The following ARHGEF18 variants were observed in gnomAD, a reference collection of about 807,000 sequenced individuals.
ARHGEF18 encodes the protein rho guanine nucleotide exchange factor 18.
Under a neutral mutation model 155.7 loss-of-function variants are expected in ARHGEF18, and 93 were observed. The observed-to-expected ratio is 0.60, with a 90% confidence interval of 0.50 to 0.71. The LOEUF is 0.71. ARHGEF18 is among the 30% of genes least tolerant of loss of function. The probability of loss-of-function intolerance (pLI) is 0.00; values close to 1 mark genes in which losing one functional copy is unlikely to be tolerated. For synonymous variants in ARHGEF18, 742 were observed against 753.1 expected, an observed-to-expected ratio of 0.99 and a Z score of 0.24; for missense variants, 1,593 against 1,816.1, an observed-to-expected ratio of 0.88 and a Z score of 2.23.
chr19:7,404,067 CA>C (rs879300029), intron 10 of ARHGEF18, among the ~76,000 whole-genome samples: 190 of 126,414 alleles, frequency 1.5e-3, no homozygotes, highest in Middle Eastern at 3.9e-3. Context: ...GACTCCGTCT[CA>C]AAAAAAAAAA....
intron 10 of ARHGEF18, among the ~76,000 whole-genome samples, chr19:7,386,639 G>A (rs951332493): frequency 1.1e-4 from 17 of 152,034 alleles, no homozygotes; most frequent in African/African-American, 3.6e-4. Context: ...AATGTGCCCC[G>A]GGCAGCAGAA....
rs1974658886 is a variant in ARHGEF18 at position 7,441,747 on chromosome 19, G to A, written c.1201G>A (p.Glu401Lys). The A allele has an allele frequency of 3.1e-6, 5 of 1,614,024 alleles. No homozygotes were observed. The highest frequency in any genetic ancestry group is 1.3e-5 in the African/African-American group (1 of 74,912). ...DSLSLTSPNTESIFVEDPYTA... is the reference protein window; with the variant it reads ...DSLSLTSPNTKSIFVEDPYTA... ...TCTGTCCCTTACATCTCCAAACACC[G>A]AGTCCATTTTTGTAGAAGGTATGGT... The change falls in exon 12 of 29, where the codon GAG (glutamate) becomes AAG (lysine). Residue 401 changes from glutamate (E) to lysine (K), a missense_variant. Transcript: ENST00000668164.
intron 10 of ARHGEF18, among the ~76,000 whole-genome samples, chr19:7,399,722 C>T (rs183294210): frequency 1.5e-4 from 23 of 151,674 alleles, no homozygotes; most frequent in African/African-American, 2.7e-4. Context: ...CCTCGTGATC[C>T]GCCCACTTCG....
At chr19:7,477,157 G>T, downstream of ARHGEF18, 1 of 1,394,280 alleles carries the variant, frequency 7.2e-7, no homozygotes, top group South Asian at 1.6e-5. Flanking sequence ...TGCGGGAAGG[G>T]CCCTCCGTGG....
In ARHGEF18 at chr19:7,453,543, G is replaced by A. The variant is rs1453302002; in HGVS notation, c.1932G>A (p.Lys644=). The A allele has an allele frequency of 3.1e-6, 5 of 1,614,002 alleles. No homozygotes were observed. Among genetic ancestry groups the A allele is most frequent in the Middle Eastern group, 3.3e-4 (2 of 6,084 alleles). Residue 644 remains lysine, a synonymous_variant, in exon 17 of 29, where the codon AAG becomes AAA. Coordinates refer to ENST00000668164, the MANE Select transcript of ARHGEF18 (RefSeq NM_001367823.1). ...ATATCATCTCACAAGTGGACGCCAAGGTCAGTGAGTGTGAGAAGGGCCAGC... is the reference window on the plus strand; with the variant it reads ...ATATCATCTCACAAGTGGACGCCAAAGTCAGTGAGTGTGAGAAGGGCCAGC... ...IKDIISQVDA[K]VSECEKGQRL... is the part of the protein sequence containing the mutation.
At chr19:7,464,486 TG>T (rs1976491778) in intron 22 of ARHGEF18, 73 bp from the exon 23 acceptor site, 2 of 1,535,828 alleles carry the variant, frequency 1.3e-6, no homozygotes, top group African/African-American at 1.4e-5. Flanking sequence ...GGGCAGGGGC[TG>T]GGGGTGGACT....
chr19:7,429,880 T>C (rs1482023646), intron 10 of ARHGEF18, among the ~76,000 whole-genome samples: 1 of 152,256 alleles, frequency 6.6e-6, no homozygotes, highest in East Asian at 1.9e-4. Context: ...TGCATATGCC[T>C]TAGCAAAATC....
At position 7,432,208 on chromosome 19, in the gene ARHGEF18, G is replaced by A. The variant is rs116648240; in HGVS notation, c.968-8136G>A. Among the ~76,000 whole-genome samples, 1,228 of 152,230 alleles carry A rather than the reference G, an allele frequency of 8.1e-3. 20 individuals are homozygous for A. The highest frequency in any genetic ancestry group is 0.028 in the African/African-American group (1,156 of 41,542). On this transcript the variant is annotated intron_variant, in intron 10 of 28. Transcript: ENST00000668164. ...CGATTTAGTCTATTCCCAGGTGGCC[G>A]AAAAGGCAGGAACTGTGAACTGAAA... is the stretch of plus-strand genomic sequence containing the variant.
chr19:7,464,039 TC>T, intron 22 of ARHGEF18, 84 bp downstream of exon 22: 1 of 1,451,826 alleles, frequency 6.9e-7, no homozygotes. Context: ...CCTAGAACTT[TC>T]TTTTTTGTTG....
In ARHGEF18 at chr19:7,427,883, GC is replaced by G. The variant is rs1429207753; in HGVS notation, c.968-12460del. Among the ~76,000 whole-genome samples, 9 of 152,148 alleles carry G rather than the reference GC, an allele frequency of 5.9e-5. No homozygotes were observed. In the East Asian group the frequency reaches 1.5e-3, roughly 26 times the overall value. On this transcript the variant is annotated intron_variant, in intron 10 of 28. Coordinates refer to ENST00000668164, the MANE Select transcript of ARHGEF18 (RefSeq NM_001367823.1). ...ATTGGTCGAATCTGGGAGGCAGTCTGCAGTGAGCCAAGATCGTGCCACTGTA... is the reference window on the plus strand; with the variant it reads ...ATTGGTCGAATCTGGGAGGCAGTCTGAGTGAGCCAAGATCGTGCCACTGTA...
At chr19:7,374,245 T>G (rs1254242447) in intron 3 of ARHGEF18, among the ~76,000 whole-genome samples, 2 of 151,444 alleles carry the variant, frequency 1.3e-5, no homozygotes, top group Non-Finnish European at 2.9e-5. Flanking sequence ...GGCCCAGGAG[T>G]TGGGGATCCC....
intron 2 of ARHGEF18, among the ~76,000 whole-genome samples, chr19:7,364,402 A>AAGGAAGGAAGGAAGGAAGGCAGGCAGGC (rs36151895): frequency 1.7e-4 from 22 of 129,756 alleles, no homozygotes; most frequent in East Asian, 1.5e-3. Context: ...GGAAGGAAGG[A>AAGGAAGGAAGGAAGGAAGGCAGGCAGGC]AGGCAGGCTG....
In ARHGEF18 at chr19:7,395,884, C is replaced by T. The variant is rs1248692835; in HGVS notation, c.967+12681C>T. 6.6e-6 allele frequency among the ~76,000 whole-genome samples: 1 copy of T among 152,154 alleles called. No homozygotes were observed. Among genetic ancestry groups the T allele is most frequent in the East Asian group, 1.9e-4 (1 of 5,194 alleles). On this transcript the variant is annotated intron_variant, in intron 10 of 28. Coordinates refer to ENST00000668164, the MANE Select transcript of ARHGEF18 (RefSeq NM_001367823.1). This position sits in a 1 kb window ranked among gnomAD's most constrained non-coding sequence, Gnocchi z 5.0. ...ATTTGAGATTGAGGGGGTACATGTA[C>T]AGGTTTGTTACCTGGATATATTGCG...
intron 10 of ARHGEF18, among the ~76,000 whole-genome samples, chr19:7,384,340 AT>A (rs1024677065): frequency 5.3e-5 from 8 of 152,262 alleles, no homozygotes; most frequent in Non-Finnish European, 1.0e-4. Flanking sequence ...GGGGGGCAGA[AT>A]TTCCTCCAGA....
chr19:7,470,129 C>T lies in ARHGEF18; in HGVS notation c.3917C>T (p.Pro1306Leu). The change falls in exon 29 of 29, where the codon CCT (proline) becomes CTT (leucine). Residue 1306 changes from proline (P) to leucine (L), a missense_variant. Coordinates refer to ENST00000668164, the MANE Select transcript of ARHGEF18 (RefSeq NM_001367823.1). This position sits in a 1 kb window ranked among gnomAD's most constrained non-coding sequence, Gnocchi z 5.9. Reference sequence around the variant, plus strand: ...CTGAACCCTCTCTCTGTTCCAGACCCTGGCTTCCCCGCCCCGAGCCCACCG... The same window carrying T: ...CTGAACCCTCTCTCTGTTCCAGACCTTGGCTTCCCCGCCCCGAGCCCACCG... ...GRHSPAPPPD[P>L]GFPAPSPPPA... 1.2e-6 allele frequency: 2 copies of T among 1,612,274 alleles called. No individual in the cohort carries two copies. Among genetic ancestry groups the T allele is most frequent in the Non-Finnish European group, 1.7e-6 (2 of 1,179,700 alleles).
intron 3 of ARHGEF18, 59 bp downstream of exon 3, chr19:7,373,130 C>T: frequency 1.6e-6 from 2 of 1,233,322 alleles, no homozygotes; most frequent in Non-Finnish European, 2.0e-6. Context: ...GGAAGAGGTC[C>T]AGAAGGCCAG....
intron 10 of ARHGEF18, among the ~76,000 whole-genome samples, chr19:7,414,623 A>G (rs890296885): frequency 3.9e-5 from 6 of 152,098 alleles, no homozygotes; most frequent in Non-Finnish European, 8.8e-5. Context: ...ATCCTGGCCA[A>G]GATGGTGAAA....
chr19:7,465,751 CAA>C (rs1336587385), intron 23 of ARHGEF18, among the ~76,000 whole-genome samples: 32 of 152,174 alleles, frequency 2.1e-4, no homozygotes, highest in African/African-American at 7.5e-4. Flanking sequence ...CCAGCCTGGG[CAA>C]CATAGCAAGA....
At chr19:7,461,056 G>A (rs2145879963) in intron 20 of ARHGEF18, among the ~76,000 whole-genome samples, 1 of 151,566 alleles carries the variant, frequency 6.6e-6, no homozygotes, top group Admixed American at 6.5e-5. Flanking sequence ...CAAAGTGCTG[G>A]GATTACAGGC....
Sources: gnomAD v4.1 joint callset for allele counts (sites outside exome capture counted in the v4.1 genomes callset) on GRCh38, gnomAD v4.1.1 for gene constraint, Gnocchi (gnomAD v3.1) non-coding constraint, MANE v1.5 for transcripts, NCBI Gene and HGNC (gene_info 2026-07-23, HGNC 2026-07-21) for gene names.